Variants in PGLYRP3 observed in about 807,000 individuals in gnomAD.
The protein encoded by PGLYRP3 is peptidoglycan recognition protein I alpha.
A neutral mutation model predicts 36.0 loss-of-function variants in PGLYRP3; 39 were observed. The observed-to-expected ratio is 1.08, with a 90% CI of 0.84 to 1.41. The LOEUF (loss-of-function observed/expected upper bound fraction) is 1.41, where lower values mean the gene tolerates loss of function less well. PGLYRP3 is among the 40% of genes most tolerant of loss of function. The pLI, the probability that PGLYRP3 is intolerant of heterozygous loss-of-function variation, is 0.00. For missense variants in PGLYRP3, 407 were observed against 427.9 expected, an observed-to-expected ratio of 0.95 and a Z score of 0.43; for synonymous variants, 204 against 172.8, an observed-to-expected ratio of 1.18 and a Z score of -1.42.
Position 153,307,242 on chromosome 1 carries a change from C to T in PGLYRP3, c.81G>A (p.Lys27=), listed in dbSNP as rs990824041. 6.2e-7 allele frequency: 1 copy of T among 1,607,564 alleles called. No individual in the cohort carries two copies. ...AWDTPTIVSR[K]EWGARPLACR... is the part of the protein sequence containing the mutation. ...AGGCGAGCGGTCTTGCCCCCCACTC[C>T]TTGCGGGAGACGATGGTGGGAGTAT... is the stretch of plus-strand genomic sequence containing the variant. The change falls in exon 3 of 8, where the codon AAG becomes AAA. Residue 27 remains lysine, a synonymous_variant. Transcript: ENST00000683862.
chr1:153,310,945 G>A (rs1284923848), intron 1 of PGLYRP3, among the ~76,000 whole-genome samples: 1 of 152,106 alleles, frequency 6.6e-6, no homozygotes, highest in East Asian at 1.9e-4. Context: ...GGCAACTCCT[G>A]GTTCCTCATA....
At chr1:153,310,483 T>C in intron 2 of PGLYRP3, 128 bp downstream of exon 2, 1 of 924,068 alleles carries the variant, frequency 1.1e-6, no homozygotes, top group Non-Finnish European at 1.7e-6. Flanking sequence ...AGAACAGGGC[T>C]CCAAATTGCA....
At position 153,297,888 on chromosome 1, in the gene PGLYRP3, T is replaced by A. The variant is rs1659478862; in HGVS notation, c.*68A>T. 3 of 1,558,096 alleles carry A rather than the reference T, an allele frequency of 1.9e-6. No individual in the cohort carries two copies. In the South Asian group the frequency reaches 3.5e-5, roughly 18 times the overall value. On this transcript the variant is annotated 3_prime_UTR_variant, in exon 8 of 8. Transcript: ENST00000683862. ...GGGGGACACAAGGTGCTGAGCCACC[T>A]TGGCTGGTGAGGGTTGGAGAGACCC...
chr1:153,303,944 C>A lies in PGLYRP3; in HGVS notation c.442G>T (p.Gly148Cys). ...EGLISYAIQK[G>C]HLSPRYIQPL... is the part of the protein sequence containing the mutation. ...TGAATATACCTGGGCGACAGGTGAC[C>A]CTTCTGGATGGCATAGGAGATCAGA... is the stretch of plus-strand genomic sequence containing the variant. The change falls in exon 5 of 8, where the codon GGT becomes TGT. Residue 148 changes from glycine to cysteine, a missense_variant. Physicochemically the swap from Gly to Cys is radical, Grantham distance 159 (BLOSUM62 -3). Transcript: ENST00000683862. 1 of 1,613,912 alleles carries A rather than the reference C, an allele frequency of 6.2e-7. No homozygotes were observed. Among genetic ancestry groups the A allele is most frequent in the Non-Finnish European group, 8.5e-7 (1 of 1,179,934 alleles).
rs141016085 is a variant in PGLYRP3 at position 153,306,852 on chromosome 1, C to A, written c.257+214G>T. On this transcript the variant is annotated intron_variant, in intron 3 of 7. Coordinates refer to ENST00000683862, the MANE Select transcript of PGLYRP3 (RefSeq NM_052891.3). ...CCTTCCTTGCTTTTTCACAGGAGCA[C>A]CAGAATCGAAAGCCACTTAAATAAG... 1.8e-3 allele frequency among the ~76,000 whole-genome samples: 276 copies of A among 152,274 alleles called. 9 individuals are homozygous for A. The East Asian group carries it at 0.041, about 22-fold the overall frequency.
At chr1:153,305,152 G>A in intron 3 of PGLYRP3, 87 bp from the exon 4 acceptor site, 1 of 1,061,854 alleles carries the variant, frequency 9.4e-7, no homozygotes, top group East Asian at 2.4e-5. Flanking sequence ...GGGTTCTGGA[G>A]GCTCATAAGT....
intron 6 of PGLYRP3, among the ~76,000 whole-genome samples, chr1:153,300,113 C>T (rs1291217696): frequency 3.3e-5 from 5 of 152,170 alleles, no homozygotes; most frequent in Admixed American, 6.5e-5. Context: ...TGAGGCCCTC[C>T]GTGATGTGGC....
Position 153,302,618 on chromosome 1 carries a change from A to G in PGLYRP3, c.530-11T>C, listed in dbSNP as rs1571102016. On this transcript the variant is annotated splice_polypyrimidine_tract_variant and intron_variant, in intron 5 of 7. Coordinates refer to ENST00000683862, the MANE Select transcript of PGLYRP3 (RefSeq NM_052891.3). ...TGATGTTGGGGCAAACTGTGGTAAA[A>G]TGAAAAGCCAAGGAAGTAGGAATTT... 6.2e-7 allele frequency: 1 copy of G among 1,613,736 alleles called. No individual in the cohort carries two copies. Among genetic ancestry groups the G allele is most frequent in the Non-Finnish European group, 8.5e-7 (1 of 1,179,960 alleles).
Position 153,297,687 on chromosome 1 carries a change from C to G in PGLYRP3, c.*269G>C, listed in dbSNP as rs1367918302. Among the ~76,000 whole-genome samples, 1 of 151,974 alleles carries G rather than the reference C, an allele frequency of 6.6e-6. No individual in the cohort carries two copies. The highest frequency in any genetic ancestry group is 1.5e-5 in the Non-Finnish European group (1 of 67,988). ...AATGCCACAAGGACCAGCCCATTGT[C>G]TCGCCTGACTGAGGAGGTAAGTGCC... is the stretch of plus-strand genomic sequence containing the variant. On this transcript the variant is annotated 3_prime_UTR_variant, in exon 8 of 8. Transcript: ENST00000683862.
chr1:153,297,426 T>A lies in PGLYRP3; in HGVS notation c.*530A>T. Among the ~76,000 whole-genome samples, 1 of 122,964 alleles carries A rather than the reference T, an allele frequency of 8.1e-6. No homozygotes were observed. The highest frequency in any genetic ancestry group is 1.0e-4 in the Admixed American group (1 of 9,724). 80.7% of individuals were successfully genotyped at this position (122,964 alleles called of 152,430 possible). ...CTTCCAGGCAGAAAACAGGGAAGGC[T>A]CACCAGGCAGAGGCGGGGAGAGGGG... On this transcript the variant is annotated 3_prime_UTR_variant, in exon 8 of 8. Transcript: ENST00000683862.
intron 1 of PGLYRP3, among the ~76,000 whole-genome samples, chr1:153,311,219 G>A (rs991497332): frequency 6.6e-6 from 1 of 152,144 alleles, no homozygotes; most frequent in African/African-American, 2.4e-5. Flanking sequence ...ACTCTGCAAA[G>A]ATCCCTGACA....
intron 5 of PGLYRP3, among the ~76,000 whole-genome samples, 188 bp from the exon 6 acceptor site, chr1:153,302,795 G>A (rs919373352): frequency 2.0e-5 from 3 of 152,218 alleles, no homozygotes; most frequent in African/African-American, 7.2e-5. Flanking sequence ...TCAGATGGCT[G>A]GAGCCAAGGG....
intron 3 of PGLYRP3, among the ~76,000 whole-genome samples, chr1:153,305,317 G>A (rs1456951470): frequency 6.6e-6 from 1 of 152,154 alleles, no homozygotes; most frequent in Non-Finnish European, 1.5e-5. Flanking sequence ...GGTTCAAAGT[G>A]GAATTTGACT....
Position 153,307,837 on chromosome 1 carries a change from G to C in PGLYRP3, c.56-570C>G, listed in dbSNP as rs547750391. 6.1e-4 allele frequency among the ~76,000 whole-genome samples: 93 copies of C among 152,272 alleles called. 2 individuals carry two copies. In the South Asian group the frequency reaches 0.011, roughly 18 times the overall value. ...GCGAACACTCCCTAGCGGCAGGGCT[G>C]TGAGATCCCACCTGCCGCGTCAGGC... On this transcript the variant is annotated intron_variant, in intron 2 of 7. Transcript: ENST00000683862.
intron 3 of PGLYRP3, among the ~76,000 whole-genome samples, chr1:153,306,232 C>A (rs777464438): frequency 6.6e-6 from 1 of 152,202 alleles, no homozygotes; most frequent in African/African-American, 2.4e-5. Flanking sequence ...CTTAGATTTT[C>A]CTTTCCAAAA....
rs532659992 is a variant in PGLYRP3 at position 153,302,464 on chromosome 1, G to A, written c.673C>T (p.Arg225Ter). 1.9e-5 allele frequency: 30 copies of A among 1,614,136 alleles called. No homozygotes were observed. The highest frequency in any genetic ancestry group is 8.3e-5 in the Admixed American group (5 of 60,020). Residue 225 changes from arginine (R) to a stop codon, truncating the protein, a stop_gained, in exon 6 of 8, where the codon CGA (arginine) becomes TGA (stop). Coordinates refer to ENST00000683862, the MANE Select transcript of PGLYRP3 (RefSeq NM_052891.3). LOFTEE classifies it high-confidence loss of function. The stretch of plus-strand genomic sequence containing the variant: ...TCCATGTGAAAGGACTGTATGTTTC[G>A]GACGACAGTCTGGCAGTCTGTGGAT... ...TVSTDCQTVVRNIQSFHMDTR... is the reference protein window; with the variant it reads ...TVSTDCQTVV
At chr1:153,310,214 G>A (rs1659860994) in intron 2 of PGLYRP3, among the ~76,000 whole-genome samples, 1 of 152,202 alleles carries the variant, frequency 6.6e-6, no homozygotes, top group Non-Finnish European at 1.5e-5. Flanking sequence ...AGACCCAAGT[G>A]CTGGGTTTAA....
Position 153,297,866 on chromosome 1 carries a change from G to T in PGLYRP3, c.*90C>A. On this transcript the variant is annotated 3_prime_UTR_variant, in exon 8 of 8. Transcript: ENST00000683862. ...GAAAGGATGGGCTGGCAGGGGAGGG[G>T]GACACAAGGTGCTGAGCCACCTTGG... 7.1e-7 allele frequency: 1 copy of T among 1,407,754 alleles called. No homozygotes were observed. The highest frequency in any genetic ancestry group is 9.8e-7 in the Non-Finnish European group (1 of 1,019,478). The allele number at this position is 1,407,754 out of a possible 1,614,324, so 87.2% of individuals were successfully genotyped here.
intron 3 of PGLYRP3, among the ~76,000 whole-genome samples, chr1:153,306,246 A>G (rs1224105819): frequency 6.6e-6 from 1 of 152,222 alleles, no homozygotes; most frequent in Non-Finnish European, 1.5e-5. Context: ...TCCAAAATGG[A>G]TAATTCAGAA....
Sources: gnomAD v4.1 joint callset for allele counts (sites outside exome capture counted in the v4.1 genomes callset) on GRCh38, gnomAD v4.1.1 for gene constraint, MANE v1.5 for transcripts, NCBI Gene and HGNC (gene_info 2026-07-23, HGNC 2026-07-21) for gene names.